The following ABCC2 variants were observed in gnomAD, a reference collection of about 807,000 sequenced individuals.
ABCC2 encodes ATP binding cassette subfamily C member 2.
Under a neutral mutation model 173.4 loss-of-function variants are expected in ABCC2, and 157 were observed. The observed-to-expected ratio is 0.91, with a 90% CI of 0.80 to 1.03. ABCC2 has a LOEUF of 1.03. Among genes scored for constraint, ABCC2 ranks in the 50% least tolerant of loss-of-function variants. The probability of loss-of-function intolerance (pLI) is 0.00; values close to 1 mark genes in which losing one functional copy is unlikely to be tolerated. For synonymous variants in ABCC2, 657 were observed against 693.5 expected (o/e 0.95, Z 0.83); for missense variants, 1,822 against 1,852.3 (o/e 0.98, Z 0.30).
chr10:99,836,618 C>T (rs2038828274), intron 25 of ABCC2, among the ~76,000 whole-genome samples: 2 of 152,310 alleles, frequency 1.3e-5, no homozygotes, highest in South Asian at 4.1e-4. Flanking sequence ...CATTTGTGAG[C>T]ATTTTGTAAC....
chr10:99,832,703 G>A (rs776974450), intron 23 of ABCC2, among the ~76,000 whole-genome samples: 6 of 152,198 alleles, frequency 3.9e-5, no homozygotes, highest in African/African-American at 4.8e-5. Context: ...CTTTAAGAAT[G>A]AGTAAATTTG....
At chr10:99,819,858 C>T (rs1236094644) in intron 19 of ABCC2, among the ~76,000 whole-genome samples, 1 of 152,224 alleles carries the variant, frequency 6.6e-6, no homozygotes, top group African/African-American at 2.4e-5. Flanking sequence ...CCAGTTAGCC[C>T]CAGTCAGCAG....
rs377236601 is a variant in ABCC2, at chr10:99,808,172, C to T, written c.1758C>T (p.Phe586=). The change falls in exon 13 of 32, where the codon TTC becomes TTT. Residue 586 remains phenylalanine (F), a synonymous_variant. Transcript: ENST00000647814. ...AQKAFTSITL[F]NILRFPLSML... is the part of the protein sequence containing the mutation. ...AGGCCTTCACCTCCATTACCCTCTT[C>T]AATATCCTGCGCTTTCCCCTGAGCA... 1.6e-5 allele frequency: 26 copies of T among 1,614,042 alleles called. No homozygotes were observed. In the South Asian group the frequency reaches 2.7e-4, roughly 17 times the overall value.
At chr10:99,795,801 A>AAGAAAGAAAGATAGAG (rs58906337) in intron 6 of ABCC2, among the ~76,000 whole-genome samples, 1,034 of 102,368 alleles carry the variant, frequency 0.01, 8 homozygotes, top group Middle Eastern at 0.025. Context: ...GAAAGAAAGA[A>AAGAAAGAAAGATAGAG]AGATTTCTAA....
In ABCC2 at chr10:99,820,653, C is replaced by T. The variant is rs150982124; in HGVS notation, c.2620+1384C>T. The stretch of plus-strand genomic sequence containing the variant: ...AGTCTGTAGCTTTGGAAGGAGAAGG[C>T]GGGAACAAAGAACAGGATGGTGTAG... On this transcript the variant is annotated intron_variant, in intron 19 of 31. Coordinates refer to ENST00000647814, the MANE Select transcript of ABCC2 (RefSeq NM_000392.5). Among the ~76,000 whole-genome samples, 457 of 152,164 alleles carry T rather than the reference C, an allele frequency of 3.0e-3. 2 individuals are homozygous for T. Among genetic ancestry groups the T allele is most frequent in the African/African-American group, 0.011 (439 of 41,524 alleles).
Position 99,851,537 on chromosome 10 carries a change from G to A in ABCC2, c.4544G>A (p.Cys1515Tyr), listed in dbSNP as rs8187710. Reference protein sequence around the residue: ...MVLDNGKIIECGSPEELLQIP... With the variant: ...MVLDNGKIIEYGSPEELLQIP... Reference sequence around the variant, plus strand: ...CTAGACAACGGGAAGATTATAGAGTGCGGCAGCCCTGAAGAACTGCTACAA... The same window carrying A: ...CTAGACAACGGGAAGATTATAGAGTACGGCAGCCCTGAAGAACTGCTACAA... Residue 1515 changes from cysteine to tyrosine, a missense_variant, in exon 32 of 32, where the codon TGC becomes TAC. Coordinates refer to ENST00000647814, the MANE Select transcript of ABCC2 (RefSeq NM_000392.5). 0.059 allele frequency: 94,496 copies of A among 1,613,856 alleles called. 3,546 individuals are homozygous for A. Among genetic ancestry groups the A allele is most frequent in the African/African-American group, 0.16 (12,019 of 74,932 alleles).
In ABCC2 at chr10:99,784,795, C is replaced by T. The variant is rs1405636422; in HGVS notation, c.207+14C>T. On this transcript the variant is annotated intron_variant, in intron 2 of 31. Coordinates refer to ENST00000647814, the MANE Select transcript of ABCC2 (RefSeq NM_000392.5). The stretch of plus-strand genomic sequence containing the variant: ...CTTGCTAAGCAGGTAAAGTTAACAC[C>T]ACTGTTTCTGAACTCTAATTCCTTG... 6.2e-7 allele frequency: 1 copy of T among 1,613,362 alleles called. No individual in the cohort carries two copies. The highest frequency in any genetic ancestry group is 8.5e-7 in the Non-Finnish European group (1 of 1,179,394).
rs1250043965 is a variant in ABCC2 at position 99,846,975 on chromosome 10, C to G, written c.4161C>G (p.Phe1387Leu). 6.2e-7 allele frequency: 1 copy of G among 1,614,178 alleles called. No homozygotes were observed. Among genetic ancestry groups the G allele is most frequent in the Non-Finnish European group, 8.5e-7 (1 of 1,180,026 alleles). The change falls in exon 30 of 32, where the codon TTC becomes TTG. Residue 1387 changes from phenylalanine (F) to leucine (L), a missense_variant. Phe to Leu is a conservative substitution (Grantham distance 22). Transcript: ENST00000647814. ...LTIIPQDPILFSGSLRMNLDP... is the reference protein window; with the variant it reads ...LTIIPQDPILLSGSLRMNLDP... Reference sequence around the variant, plus strand: ...TTCACTTGCAGGACCCCATCCTGTTCTCTGGAAGCCTGAGGATGAATCTCG... The same window carrying G: ...TTCACTTGCAGGACCCCATCCTGTTGTCTGGAAGCCTGAGGATGAATCTCG...
intron 16 of ABCC2, among the ~76,000 whole-genome samples, chr10:99,814,215 GTATA>G (rs530101099): frequency 6.7e-4 from 28 of 41,872 alleles, no homozygotes; most frequent in Admixed American, 1.1e-3. Context: ...ACACACATGT[GTATA>G]TATACACACA....
In ABCC2 at chr10:99,842,000, C is replaced by T. The variant is rs144967259; in HGVS notation, c.3648C>T (p.Asn1216=). 8.7e-6 allele frequency: 14 copies of T among 1,614,062 alleles called. No homozygotes were observed. The African/African-American group carries it at 1.2e-4, about 14-fold the overall frequency. The change falls in exon 26 of 32, where the codon AAC becomes AAT. Residue 1216 remains asparagine (N), a synonymous_variant. Transcript: ENST00000647814. ...CAATTCGCCTGGAGCTGGTTGGGAA[C>T]CTGACTGTCTTCTTTTCAGCCTTGA... The part of the protein sequence containing the change: ...WLAIRLELVG[N]LTVFFSALMM...
rs572372794 is a variant in ABCC2, at chr10:99,790,368, A to G, written c.208-1866A>G. Among the ~76,000 whole-genome samples, 18 of 152,292 alleles carry G rather than the reference A, an allele frequency of 1.2e-4. No individual in the cohort carries two copies. In the South Asian group the frequency reaches 3.3e-3, roughly 28 times the overall value. ...GTTTTTTTAAATCCATTTAATTTAT[A>G]TACTCATTTTTTTACATTGAGTTAT... On this transcript the variant is annotated intron_variant, in intron 2 of 31. Transcript: ENST00000647814.
At chr10:99,846,516 T>A (rs758248423) in intron 29 of ABCC2, among the ~76,000 whole-genome samples, 3 of 152,182 alleles carry the variant, frequency 2.0e-5, no homozygotes, top group Non-Finnish European at 2.9e-5. Context: ...GGCAGGTGAA[T>A]CACTGGAGCC....
chr10:99,792,182 G>A, intron 2 of ABCC2, 52 bp from the exon 3 acceptor site: 1 of 1,611,444 alleles, frequency 6.2e-7, no homozygotes, highest in South Asian at 1.1e-5. Context: ...TCTGTTCTAA[G>A]AGCCTTATAA....
rs556434382 is a variant in ABCC2, at chr10:99,848,722, G to C, written c.4313+1595G>C. On this transcript the variant is annotated intron_variant, in intron 30 of 31. Coordinates refer to ENST00000647814, the MANE Select transcript of ABCC2 (RefSeq NM_000392.5). The stretch of plus-strand genomic sequence containing the variant: ...TAGGCTGCAAGCTAAAATCACCCAG[G>C]AAGCTTTAAAGCTCCCAACGCCTAA... Among the ~76,000 whole-genome samples the C allele has an allele frequency of 3.9e-5, 6 of 152,314 alleles. No individual in the cohort carries two copies. In the South Asian group the frequency reaches 1.0e-3, roughly 26 times the overall value.
intron 19 of ABCC2, among the ~76,000 whole-genome samples, chr10:99,828,452 G>C (rs1176142109): frequency 1.3e-5 from 2 of 152,164 alleles, no homozygotes; most frequent in East Asian, 1.9e-4. Context: ...ACACATTTCT[G>C]GAGGCTAGAA....
At chr10:99,802,746 C>T (rs2038033472) in intron 9 of ABCC2, among the ~76,000 whole-genome samples, 1 of 152,102 alleles carries the variant, frequency 6.6e-6, no homozygotes, top group Non-Finnish European at 1.5e-5. Context: ...AGGTGGCTCT[C>T]CTTCTTCTGG....
intron 19 of ABCC2, among the ~76,000 whole-genome samples, chr10:99,820,498 C>T (rs1410665163): frequency 6.6e-6 from 1 of 152,164 alleles, no homozygotes; most frequent in South Asian, 2.1e-4. Context: ...GTGGTTCACA[C>T]CTGTAATCCC....
At chr10:99,832,387 T>C (rs2038755479) in intron 23 of ABCC2, among the ~76,000 whole-genome samples, 2 of 114,254 alleles carry the variant, frequency 1.8e-5, no homozygotes, top group Non-Finnish European at 1.9e-5. Flanking sequence ...TAATAGAATA[T>C]AGTAAAACCA....
chr10:99,815,048 A>G (rs866577795), intron 16 of ABCC2, among the ~76,000 whole-genome samples: 2 of 151,046 alleles, frequency 1.3e-5, no homozygotes, highest in African/African-American at 2.4e-5. Flanking sequence ...TACATGTGCC[A>G]TGGTGGTTTG....
Sources: allele counts gnomAD v4.1 joint callset (sites outside exome capture counted in the v4.1 genomes callset), GRCh38; gene constraint gnomAD v4.1.1; transcripts MANE v1.5; gene names NCBI Gene and HGNC (gene_info 2026-07-23, HGNC 2026-07-21).